PPM1L: variants seen among roughly 807,000 people sequenced by gnomAD.
PPM1L encodes the protein protein phosphatase, Mg2+/Mn2+ dependent 1L, also known as protein phosphatase 1L.
PPM1L carries 13 observed loss-of-function variants against 31.4 expected under a neutral mutation model. The observed-to-expected ratio is 0.41, with a 90% CI of 0.27 to 0.66. The LOEUF is 0.66. Among genes scored for constraint, PPM1L ranks in the 30% least tolerant of loss-of-function variants. The pLI, the probability that PPM1L is intolerant of heterozygous loss-of-function variation, is 0.29. For missense variants in PPM1L, 326 were observed against 453.7 expected, an observed-to-expected ratio of 0.72 and a Z score of 2.56; for synonymous variants, 184 against 175.4, an observed-to-expected ratio of 1.05 and a Z score of -0.39.
chr3:160,885,724 G>A (rs565606121), intron 1 of PPM1L, among the ~76,000 whole-genome samples: 7 of 152,204 alleles, frequency 4.6e-5, no homozygotes, highest in Non-Finnish European at 8.8e-5. Flanking sequence ...GCCACGGATC[G>A]GAAGATCCCA....
At chr3:160,982,404 G>GA (rs199661699) in intron 2 of PPM1L, among the ~76,000 whole-genome samples, 12 of 150,834 alleles carry the variant, frequency 8.0e-5, no homozygotes, top group African/African-American at 1.2e-4. Context: ...TGGATAGCAA[G>GA]AAAAAAAAAT....
chr3:161,031,298 C>T (rs549612353), intron 2 of PPM1L, among the ~76,000 whole-genome samples: 6 of 152,232 alleles, frequency 3.9e-5, no homozygotes, highest in Admixed American at 2.6e-4. Context: ...GGAAAGAAAA[C>T]CATGGGAACA....
intron 2 of PPM1L, among the ~76,000 whole-genome samples, chr3:161,017,292 T>C (rs2108068721): frequency 6.6e-6 from 1 of 152,232 alleles, no homozygotes; most frequent in South Asian, 2.1e-4. Context: ...ATACAATAAA[T>C]AGAAAATTAT....
intron 1 of PPM1L, among the ~76,000 whole-genome samples, chr3:160,829,812 G>A (rs1713465908): frequency 6.6e-6 from 1 of 152,102 alleles, no homozygotes; most frequent in Non-Finnish European, 1.5e-5. Flanking sequence ...GGAGGTGGGG[G>A]ATGAATACAC....
chr3:160,983,787 A>G (rs1401760475), intron 2 of PPM1L, among the ~76,000 whole-genome samples: 1 of 152,104 alleles, frequency 6.6e-6, no homozygotes, highest in Non-Finnish European at 1.5e-5. Context: ...AAAGAGTACA[A>G]AGAGAGAAAT....
At chr3:160,888,820 C>A (rs1180606466) in intron 1 of PPM1L, among the ~76,000 whole-genome samples, 1 of 152,154 alleles carries the variant, frequency 6.6e-6, no homozygotes, top group African/African-American at 2.4e-5. Flanking sequence ...TAACAGACCA[C>A]AGACCACAGT....
intron 2 of PPM1L, among the ~76,000 whole-genome samples, chr3:161,001,141 T>G (rs535207660): frequency 6.6e-6 from 1 of 152,330 alleles, no homozygotes; most frequent in African/African-American, 2.4e-5. Context: ...AGTTATTCTG[T>G]TCTTCTAGAA....
chr3:160,920,329 C>A (rs1484172464), intron 1 of PPM1L, among the ~76,000 whole-genome samples: 1 of 152,126 alleles, frequency 6.6e-6, no homozygotes, highest in East Asian at 1.9e-4. Flanking sequence ...CAGCTTGCCC[C>A]TTCTCCTCCC....
chr3:160,930,691 A>G (rs1714757785), intron 1 of PPM1L, among the ~76,000 whole-genome samples: 3 of 152,174 alleles, frequency 2.0e-5, no homozygotes, highest in Admixed American at 2.0e-4. Context: ...GGAGTTTAAG[A>G]GGGAAGCTTC....
At chr3:160,812,769 G>A (rs1712849922) in intron 1 of PPM1L, among the ~76,000 whole-genome samples, 1 of 152,156 alleles carries the variant, frequency 6.6e-6, no homozygotes, top group South Asian at 2.1e-4. Context: ...AGGGAGGGGG[G>A]CAGCTGGCCA....
intron 1 of PPM1L, among the ~76,000 whole-genome samples, chr3:160,852,572 C>T (rs534804323): frequency 6.6e-6 from 1 of 152,168 alleles, no homozygotes; most frequent in East Asian, 1.9e-4. Flanking sequence ...ACCATATAAC[C>T]CAAATACAAA....
At chr3:160,951,194 TTTTTATGTTGCCA>T (rs1715567094) in intron 1 of PPM1L, among the ~76,000 whole-genome samples, 4 of 152,308 alleles carry the variant, frequency 2.6e-5, no homozygotes, top group Admixed American at 2.6e-4. Flanking sequence ...CATTAGGCTG[TTTTTATGTTGCCA>T]TCCCTCAGGG....
At chr3:160,822,648 T>C (rs1346288072) in intron 1 of PPM1L, among the ~76,000 whole-genome samples, 1 of 152,106 alleles carries the variant, frequency 6.6e-6, no homozygotes, top group Non-Finnish European at 1.5e-5. Context: ...ATGAGCGATA[T>C]AGATTAGAAG....
At chr3:160,959,326 A>T (rs1198131610) in intron 1 of PPM1L, among the ~76,000 whole-genome samples, 1 of 152,162 alleles carries the variant, frequency 6.6e-6, no homozygotes, top group African/African-American at 2.4e-5. Context: ...GAGGGATAAA[A>T]GACTAAATAT....
chr3:160,795,321 G>T (rs1576640949), intron 1 of PPM1L, among the ~76,000 whole-genome samples: 1 of 152,294 alleles, frequency 6.6e-6, no homozygotes, highest in East Asian at 1.9e-4. Context: ...TTTGGGGCTG[G>T]ATATTTGTTT....
chr3:160,973,073 C>T (rs1716408707), intron 2 of PPM1L, among the ~76,000 whole-genome samples: 1 of 152,130 alleles, frequency 6.6e-6, no homozygotes, highest in Non-Finnish European at 1.5e-5. Flanking sequence ...TAATAGAACA[C>T]CTCATATCCA....
rs971774510 is a variant in PPM1L, at chr3:161,073,255, CAGTT to C, written c.*4101_*4104del. 2 of 152,178 alleles carry C rather than the reference CAGTT, an allele frequency of 1.3e-5. No individual in the cohort carries two copies. Among genetic ancestry groups the C allele is most frequent in the South Asian group, 2.1e-4 (1 of 4,832 alleles). 9.4% of individuals were successfully genotyped at this position (152,178 alleles called of 1,614,324 possible). Reference sequence around the variant, plus strand: ...GAAAAACACAACAAATATCTACTGTCAGTTAGCCCAGTGTTTTCCAGATTAATTT... The same window carrying C: ...GAAAAACACAACAAATATCTACTGTCAGCCCAGTGTTTTCCAGATTAATTT... On this transcript the variant is annotated 3_prime_UTR_variant, in exon 4 of 4. Transcript: ENST00000498165.
In PPM1L at chr3:161,065,259, A is replaced by G. The variant is rs1719699580; in HGVS notation, c.575-144A>G. 9 of 696,618 alleles carry G rather than the reference A, an allele frequency of 1.3e-5. No homozygotes were observed. In the South Asian group the frequency reaches 1.6e-4, roughly 13 times the overall value. 43.2% of individuals were successfully genotyped at this position (696,618 alleles called of 1,614,324 possible). On this transcript the variant is annotated intron_variant, in intron 2 of 3. Coordinates refer to ENST00000498165, the MANE Select transcript of PPM1L (RefSeq NM_139245.4). ...TTTGATCATTGTTGTCGAAGTGAAC[A>G]GCCATCATTCTCAGAGTGGCTGGAG...
rs1719859849 is a variant in PPM1L at position 161,070,023 on chromosome 3, C to A, written c.*866C>A. The A allele has an allele frequency of 6.6e-6, 1 of 152,184 alleles. No homozygotes were observed. The highest frequency in any genetic ancestry group is 1.5e-5 in the Non-Finnish European group (1 of 68,046). 9.4% of individuals were successfully genotyped at this position (152,184 alleles called of 1,614,324 possible). ...CAAGCCACAATACCATGATTCCTTC[C>A]ATTTTCAACAGTAGATGAAGGAAAT... On this transcript the variant is annotated 3_prime_UTR_variant, in exon 4 of 4. Coordinates refer to ENST00000498165, the MANE Select transcript of PPM1L (RefSeq NM_139245.4).
Sources: gnomAD v4.1 joint callset for allele counts (sites outside exome capture counted in the v4.1 genomes callset) on GRCh38, gnomAD v4.1.1 for gene constraint, MANE v1.5 for transcripts, NCBI Gene and HGNC (gene_info 2026-07-23, HGNC 2026-07-21) for gene names.